The following CLCN5 variants were observed in gnomAD, a reference collection of about 807,000 sequenced individuals.
The protein encoded by CLCN5 is Cl-/H+ antiporter 5.
Under a neutral mutation model 54.0 loss-of-function variants are expected in CLCN5, and 17 were observed. The ratio of observed to expected loss-of-function variants is 0.31; its 90% confidence interval spans 0.22 to 0.47. The LOEUF (loss-of-function observed/expected upper bound fraction) is 0.47. CLCN5 is among the 20% of genes least tolerant of loss of function. The pLI is 1.00. For synonymous variants in CLCN5, 222 were observed against 233.0 expected (o/e 0.95, Z 0.43); for missense variants, 448 against 646.7 (o/e 0.69, Z 3.33).
intron 3 of CLCN5, among the ~76,000 whole-genome samples, chrX:49,974,780 C>T (rs1602001098): frequency 1.8e-5 from 2 of 111,481 alleles, no homozygotes; most frequent in African/African-American, 3.3e-5. Flanking sequence ...AAAGATGATG[C>T]CAAGATTTTG....
intron 8 of CLCN5, 109 bp downstream of exon 8, chrX:50,080,825 G>T (rs1197058976): frequency 1.5e-6 from 1 of 686,300 alleles, no homozygotes; most frequent in African/African-American, 2.1e-5. Context: ...TGTTAAACAG[G>T]ATCAGATCCT....
chrX:49,985,854 TAG>T (rs1235105223), intron 3 of CLCN5, among the ~76,000 whole-genome samples: 2 of 111,780 alleles, frequency 1.8e-5, no homozygotes, highest in Non-Finnish European at 3.8e-5. Context: ...TTTTTATAAC[TAG>T]AGTCAGATTT....
intron 4 of CLCN5, among the ~76,000 whole-genome samples, chrX:50,046,469 G>A (rs1002640936): frequency 4.5e-5 from 5 of 111,725 alleles, no homozygotes; most frequent in Non-Finnish European, 9.4e-5. Context: ...AGGTCCAGCA[G>A]CATGAGAGAG....
intron 2 of CLCN5, among the ~76,000 whole-genome samples, chrX:49,924,389 G>C (rs1569536462): frequency 2.7e-5 from 3 of 111,645 alleles, no homozygotes; most frequent in Non-Finnish European, 3.8e-5. Context: ...GGCTGGTCTC[G>C]AACTGACCTC....
intron 3 of CLCN5, among the ~76,000 whole-genome samples, chrX:50,011,812 G>A (rs782021634): frequency 1.8e-5 from 2 of 111,952 alleles, no homozygotes; most frequent in South Asian, 3.8e-4. Context: ...GTGCACACAC[G>A]CACACGTGCA....
Position 49,982,300 on chromosome X carries a change from CT to C in CLCN5, c.16+56997del, listed in dbSNP as rs1381365640. Among the ~76,000 whole-genome samples, 338 of 102,088 alleles carry C rather than the reference CT, an allele frequency of 3.3e-3. 3 individuals carry two copies. The highest frequency in any genetic ancestry group is 6.7e-3 in the Admixed American group (63 of 9,441). The allele number at this position is 102,088 out of a possible 115,157, so 88.7% of individuals were successfully genotyped here. On this transcript the variant is annotated intron_variant, in intron 3 of 14. Coordinates refer to ENST00000376091, the MANE Select transcript of CLCN5 (RefSeq NM_001127898.4). ...TCATATAAAACCAGACTGAAGAACT[CT>C]TTTTTTTTTTAATTCAATCAAGGGC... is the stretch of plus-strand genomic sequence containing the variant.
At position 50,092,148 on chromosome X, in the gene CLCN5, A is replaced by G; in HGVS notation, c.2380A>G (p.Thr794Ala). The stretch of plus-strand genomic sequence containing the variant: ...TTTTAGGCGATTGCTTGGAATCATT[A>G]CCAAAAAGGATGTGTTAAAGCATAT... ...THNGRLLGII[T>A]KKDVLKHIAQ... is the part of the protein sequence containing the mutation. Residue 794 changes from threonine to alanine, a missense_variant, in exon 15 of 15, where the codon ACC (threonine) becomes GCC (alanine). By Grantham distance (58) the Thr-to-Ala change is moderately conservative. Coordinates refer to ENST00000376091, the MANE Select transcript of CLCN5 (RefSeq NM_001127898.4). The G allele has an allele frequency of 8.3e-7, 1 of 1,203,743 alleles. No individual in the cohort carries two copies. Among genetic ancestry groups the G allele is most frequent in the Non-Finnish European group, 1.1e-6 (1 of 888,140 alleles).
chrX:49,949,821 C>T (rs1295033662), intron 3 of CLCN5, among the ~76,000 whole-genome samples: 2 of 111,678 alleles, frequency 1.8e-5, no homozygotes, highest in Admixed American at 9.5e-5. Flanking sequence ...CCTTGATTCC[C>T]AGACCATTAT....
At chrX:49,961,196 T>G in intron 3 of CLCN5, among the ~76,000 whole-genome samples, 1 of 112,434 alleles carries the variant, frequency 8.9e-6, no homozygotes, top group East Asian at 2.8e-4. Context: ...AGTAACACAT[T>G]ACTTCTTTCT....
At position 49,934,367 on chromosome X, in the gene CLCN5, G is replaced by A. The variant is rs1311267209; in HGVS notation, c.16+9053G>A. Among the ~76,000 whole-genome samples, 9 of 110,997 alleles carry A rather than the reference G, an allele frequency of 8.1e-5. No homozygotes were observed. In the Admixed American group the frequency reaches 8.7e-4, roughly 11 times the overall value. On this transcript the variant is annotated intron_variant, in intron 3 of 14. Coordinates refer to ENST00000376091, the MANE Select transcript of CLCN5 (RefSeq NM_001127898.4). ...TTCCTGTTTCATGTAATGCTGTTCTGTGTGTCAAGGGTTGGGGGAGGCAGG... is the reference window on the plus strand; with the variant it reads ...TTCCTGTTTCATGTAATGCTGTTCTATGTGTCAAGGGTTGGGGGAGGCAGG...
rs1934133622 is a variant in CLCN5, at chrX:50,092,404, A to G, written c.*185A>G. 2.3e-6 allele frequency: 1 copy of G among 427,565 alleles called. No individual in the cohort carries two copies. The highest frequency in any genetic ancestry group is 2.5e-5 in the African/African-American group (1 of 40,682). 35.2% of individuals were successfully genotyped at this position (427,565 alleles called of 1,213,427 possible). On this transcript the variant is annotated 3_prime_UTR_variant, in exon 15 of 15. Transcript: ENST00000376091. ...TGGAAATTAATTTTCTCTTTAGGAGAAATTATAGTTAGGCTTCCATGATGT... is the reference window on the plus strand; with the variant it reads ...TGGAAATTAATTTTCTCTTTAGGAGGAATTATAGTTAGGCTTCCATGATGT...
chrX:50,085,858 T>C, intron 9 of CLCN5, 122 bp from the exon 10 acceptor site: 1 of 618,107 alleles, frequency 1.6e-6, no homozygotes, highest in South Asian at 2.3e-5. Context: ...TTTTTGATGA[T>C]ATGGAACATC....
chrX:50,073,604 T>A (rs1289818582), intron 6 of CLCN5, among the ~76,000 whole-genome samples: 1 of 112,058 alleles, frequency 8.9e-6, no homozygotes, highest in Non-Finnish European at 1.9e-5. Context: ...GCTGCTGCCG[T>A]TACCAAGAGA....
intron 3 of CLCN5, among the ~76,000 whole-genome samples, chrX:50,002,348 C>T (rs1472357579): frequency 1.8e-5 from 2 of 111,342 alleles, no homozygotes; most frequent in African/African-American, 6.5e-5. Flanking sequence ...AGCCCTACTC[C>T]TCCCTCTGTG....
chrX:50,009,657 A>T, intron 3 of CLCN5: 1 of 379,554 alleles, frequency 2.6e-6, no homozygotes, highest in East Asian at 7.5e-5. Context: ...CAGGAATGGG[A>T]CCATGAAAGT....
rs1474677943 is a variant in CLCN5, at chrX:50,003,366, G to A, written c.17-38950G>A. 21 of 332,510 alleles carry A rather than the reference G, an allele frequency of 6.3e-5. No individual in the cohort carries two copies. In the Admixed American group the frequency reaches 6.5e-4, roughly 10 times the overall value. 27.4% of individuals were successfully genotyped at this position (332,510 alleles called of 1,213,427 possible). A position where few individuals can be genotyped will look rare whatever the true frequency, so the allele number is the denominator to read the frequency against. On this transcript the variant is annotated intron_variant, in intron 3 of 14. Coordinates refer to ENST00000376091, the MANE Select transcript of CLCN5 (RefSeq NM_001127898.4). Reference sequence around the variant, plus strand: ...GCCATCCCATCTGGATGACTGTCCTGCTTCCATGGCCACTGCTCCTAGTTT... The same window carrying A: ...GCCATCCCATCTGGATGACTGTCCTACTTCCATGGCCACTGCTCCTAGTTT...
chrX:50,060,563 G>T (rs1410194640), intron 4 of CLCN5, among the ~76,000 whole-genome samples: 1 of 108,361 alleles, frequency 9.2e-6, no homozygotes, highest in Non-Finnish European at 1.9e-5. Flanking sequence ...ACTGCAAGGC[G>T]GCAGCGAGGC....
chrX:49,947,257 G>A (rs1926807715), intron 3 of CLCN5, among the ~76,000 whole-genome samples: 2 of 111,663 alleles, frequency 1.8e-5, no homozygotes, highest in Admixed American at 1.9e-4. Flanking sequence ...GAGAGATGAT[G>A]TTCAGTAGTT....
At chrX:49,932,555 C>A (rs1226892205) in intron 3 of CLCN5, among the ~76,000 whole-genome samples, 1 of 111,685 alleles carries the variant, frequency 9.0e-6, no homozygotes, top group African/African-American at 3.3e-5. Context: ...CACTCTGTGT[C>A]CCCTTCTACG....
Sources: gnomAD v4.1 joint callset for allele counts (sites outside exome capture counted in the v4.1 genomes callset) on GRCh38, gnomAD v4.1.1 for gene constraint, MANE v1.5 for transcripts, NCBI Gene and HGNC (gene_info 2026-07-23, HGNC 2026-07-21) for gene names.